NR2F1-AS1: variants seen among roughly 807,000 people sequenced by gnomAD.
NR2F1-AS1 encodes NR2F1 regulatory antisense RNA 1.
intron 4 of NR2F1-AS1, among the ~76,000 whole-genome samples, chr5:93,488,763 A>T (rs1750777337): frequency 6.6e-6 from 1 of 152,332 alleles, no homozygotes; most frequent in Non-Finnish European, 1.5e-5. Flanking sequence ...TACCCAAAGT[A>T]TTTTAAATCA....
chr5:93,494,161 T>C (rs183053359), intron 4 of NR2F1-AS1, among the ~76,000 whole-genome samples: 1 of 152,088 alleles, frequency 6.6e-6, no homozygotes, highest in Non-Finnish European at 1.5e-5. Context: ...AACAAACAGA[T>C]AAGCAATCCA....
At chr5:93,471,143 A>G (rs1750356398) in intron 4 of NR2F1-AS1, among the ~76,000 whole-genome samples, 1 of 151,960 alleles carries the variant, frequency 6.6e-6, no homozygotes, top group African/African-American at 2.4e-5. Context: ...GACAAGAATC[A>G]ATTAGCAAAA....
At chr5:93,464,320 TA>T (rs1750172246) in intron 4 of NR2F1-AS1, among the ~76,000 whole-genome samples, 1 of 152,210 alleles carries the variant, frequency 6.6e-6, no homozygotes, top group Admixed American at 6.5e-5. Context: ...GTGAGTCCAT[TA>T]AATGTCTTTC....
chr5:93,413,248 T>C (rs184965653), intron 4 of NR2F1-AS1, among the ~76,000 whole-genome samples: 141 of 150,736 alleles, frequency 9.4e-4, no homozygotes, highest in African/African-American at 3.3e-3. Context: ...ATATATATGC[T>C]GATCTCTAGA....
intron 4 of NR2F1-AS1, among the ~76,000 whole-genome samples, chr5:93,447,303 G>T (rs1244032473): frequency 6.6e-6 from 1 of 151,658 alleles, no homozygotes; most frequent in African/African-American, 2.4e-5. Flanking sequence ...CAATCTACCC[G>T]TCTGACAAAG....
At chr5:93,466,670 G>A (rs1209047041) in intron 4 of NR2F1-AS1, among the ~76,000 whole-genome samples, 1 of 151,904 alleles carries the variant, frequency 6.6e-6, no homozygotes, top group East Asian at 1.9e-4. Flanking sequence ...AGTAGCCTCA[G>A]TAAAAGACAA....
At chr5:93,409,374 T>G (rs1000930466) in intron 4 of NR2F1-AS1, 5 of 152,098 alleles carry the variant, frequency 3.3e-5, no homozygotes, top group Non-Finnish European at 7.4e-5. Context: ...AATATCCAGT[T>G]TATTTGGATA....
chr5:93,528,599 CAT>C (rs991705680), intron 4 of NR2F1-AS1, among the ~76,000 whole-genome samples: 7 of 152,284 alleles, frequency 4.6e-5, no homozygotes, highest in African/African-American at 1.2e-4. Context: ...CACATGCACA[CAT>C]ATGTTTATCG....
At chr5:93,516,754 A>T (rs1018598059) in intron 4 of NR2F1-AS1, among the ~76,000 whole-genome samples, 14 of 151,980 alleles carry the variant, frequency 9.2e-5, no homozygotes, top group Non-Finnish European at 1.6e-4. Context: ...GGTATTTAAA[A>T]TACATAGTGG....
At chr5:93,466,230 T>A (rs982875344) in intron 4 of NR2F1-AS1, among the ~76,000 whole-genome samples, 14 of 152,050 alleles carry the variant, frequency 9.2e-5, no homozygotes, top group Non-Finnish European at 1.3e-4. Context: ...CCTCTCATGT[T>A]TCCTCCAATA....
intron 4 of NR2F1-AS1, among the ~76,000 whole-genome samples, chr5:93,482,053 G>T (rs1033062625): frequency 6.6e-6 from 1 of 151,602 alleles, no homozygotes; most frequent in African/African-American, 2.4e-5. Flanking sequence ...AAAGATTAGA[G>T]AAAAGATAAA....
At chr5:93,562,353 G>T (rs992290966) in intron 2 of NR2F1-AS1, among the ~76,000 whole-genome samples, 1 of 152,046 alleles carries the variant, frequency 6.6e-6, no homozygotes, top group African/African-American at 2.4e-5. Flanking sequence ...GTGCAGTGGC[G>T]CAATCTCAGC....
chr5:93,583,009 A>T (rs1389416857), upstream of NR2F1-AS1, among the ~76,000 whole-genome samples: 1 of 152,100 alleles, frequency 6.6e-6, no homozygotes, highest in Non-Finnish European at 1.5e-5. Flanking sequence ...AATGGCGTGC[A>T]GGAGGCTTGG....
At chr5:93,516,665 C>G (rs1373345356) in intron 4 of NR2F1-AS1, among the ~76,000 whole-genome samples, 3 of 151,772 alleles carry the variant, frequency 2.0e-5, no homozygotes, top group Non-Finnish European at 4.4e-5. Flanking sequence ...AACTAATAAG[C>G]AGAAAATCCA....
chr5:93,460,592 C>T (rs1369923154), intron 4 of NR2F1-AS1, among the ~76,000 whole-genome samples: 2 of 152,128 alleles, frequency 1.3e-5, no homozygotes, highest in Admixed American at 1.3e-4. Context: ...ACTAGTACAA[C>T]CCACTACTCT....
At position 93,515,487 on chromosome 5, in the gene NR2F1-AS1, T is replaced by C. The variant is rs531546567; in HGVS notation, n.638+38274A>G. 2.3e-3 allele frequency among the ~76,000 whole-genome samples: 355 copies of C among 152,084 alleles called. 1 individual carries two copies. The highest frequency in any genetic ancestry group is 8.2e-3 in the African/African-American group (342 of 41,562). ...ATCACATACCTCTCCTTAGTGTTTATGGCTGTTTTAATTTTTAAACTTAAT... is the reference window on the plus strand; with the variant it reads ...ATCACATACCTCTCCTTAGTGTTTACGGCTGTTTTAATTTTTAAACTTAAT... On this transcript the variant is annotated intron_variant and non_coding_transcript_variant, in intron 4 of 5. Coordinates refer to ENST00000660523, the Ensembl canonical transcript of NR2F1-AS1.
At chr5:93,438,927 T>C (rs914803980) in intron 4 of NR2F1-AS1, among the ~76,000 whole-genome samples, 1 of 152,250 alleles carries the variant, frequency 6.6e-6, no homozygotes, top group African/African-American at 2.4e-5. Context: ...TGATGGTTAT[T>C]ATGTAAGGTG....
At chr5:93,576,294 T>C (rs1752892741) in intron 1 of NR2F1-AS1, among the ~76,000 whole-genome samples, 2 of 152,232 alleles carry the variant, frequency 1.3e-5, no homozygotes, top group South Asian at 4.1e-4. Context: ...TTCAGAATAC[T>C]TTATTAACTC....
At chr5:93,582,271 T>TAAA (rs752563970), upstream of NR2F1-AS1, among the ~76,000 whole-genome samples, 383 of 131,074 alleles carry the variant, frequency 2.9e-3, 2 homozygotes, top group African/African-American at 6.8e-3. Context: ...AGCCAGGTGA[T>TAAA]AAAAAAAAAA....
Sources: allele counts gnomAD v4.1 joint callset (sites outside exome capture counted in the v4.1 genomes callset), GRCh38; gene constraint gnomAD v4.1.1; transcripts MANE v1.5; gene names NCBI Gene and HGNC (gene_info 2026-07-23, HGNC 2026-07-21).